Variants in OPHN1 observed in about 807,000 individuals in gnomAD.
OPHN1 encodes oligophrenin-1.
Under a neutral mutation model 60.7 loss-of-function variants are expected in OPHN1, and 11 were observed. The ratio of observed to expected loss-of-function variants is 0.18; its 90% CI spans 0.11 to 0.30. The LOEUF is 0.30. Among genes scored for constraint, OPHN1 ranks in the 10% least tolerant of loss-of-function variants. OPHN1 has a pLI of 1.00. For synonymous variants in OPHN1, 226 were observed against 222.6 expected, an observed-to-expected ratio of 1.02 and a Z score of -0.14; for missense variants, 449 against 611.0, an observed-to-expected ratio of 0.73 and a Z score of 2.80.
intron 15 of OPHN1, among the ~76,000 whole-genome samples, chrX:68,138,297 G>A (rs923995379): frequency 8.9e-6 from 1 of 112,372 alleles, no homozygotes. Flanking sequence ...CATGTGGTGT[G>A]TATCTATGGG....
chrX:68,102,419 G>A (rs1674310481), intron 18 of OPHN1, among the ~76,000 whole-genome samples: 1 of 112,060 alleles, frequency 8.9e-6, no homozygotes, highest in Non-Finnish European at 1.9e-5. Context: ...ACAGGAGAAA[G>A]CGGGAAAGAT....
intron 5 of OPHN1, among the ~76,000 whole-genome samples, chrX:68,259,480 G>A (rs774613354): frequency 9.0e-6 from 1 of 110,877 alleles, no homozygotes; most frequent in Non-Finnish European, 1.9e-5. Flanking sequence ...AAGAAATCAT[G>A]AGAAAAAAAG....
chrX:68,170,690 C>A (rs1187434222), intron 15 of OPHN1, among the ~76,000 whole-genome samples: 3 of 103,467 alleles, frequency 2.9e-5, no homozygotes, highest in African/African-American at 1.1e-4. Context: ...AACAAAAAAA[C>A]CAAACACCGC....
intron 2 of OPHN1, among the ~76,000 whole-genome samples, chrX:68,346,371 A>G (rs993087237): frequency 1.8e-5 from 2 of 112,045 alleles, no homozygotes; most frequent in Admixed American, 9.6e-5. Flanking sequence ...GTATCAAATA[A>G]CAATAGAGTC....
At chrX:68,419,373 G>A (rs1051259753) in intron 2 of OPHN1, among the ~76,000 whole-genome samples, 2 of 109,056 alleles carry the variant, frequency 1.8e-5, no homozygotes, top group Non-Finnish European at 3.8e-5. Flanking sequence ...CTGGCACCCC[G>A]CACTTCCCCA....
chrX:68,208,528 G>C (rs1352122605), intron 9 of OPHN1, among the ~76,000 whole-genome samples: 4 of 111,878 alleles, frequency 3.6e-5, no homozygotes, highest in Admixed American at 1.9e-4. Context: ...TGATATACTT[G>C]TCTATCTCTC....
At chrX:68,181,497 A>C (rs1228129152) in intron 15 of OPHN1, among the ~76,000 whole-genome samples, 1 of 111,301 alleles carries the variant, frequency 9.0e-6, no homozygotes, top group South Asian at 3.7e-4. Flanking sequence ...TCACCTGCTA[A>C]ATCTGGCAAC....
chrX:68,276,044 A>G (rs1421116696), intron 4 of OPHN1, among the ~76,000 whole-genome samples: 3 of 111,751 alleles, frequency 2.7e-5, no homozygotes, highest in Non-Finnish European at 5.6e-5. Flanking sequence ...GGCAAGAAAA[A>G]AAATGTTTTC....
At chrX:68,049,372 A>T (rs1244233415) in intron 23 of OPHN1, among the ~76,000 whole-genome samples, 5 of 111,809 alleles carry the variant, frequency 4.5e-5, no homozygotes, top group Non-Finnish European at 7.5e-5. Context: ...CTTCTCCATG[A>T]TTAATTATTG....
intron 15 of OPHN1, among the ~76,000 whole-genome samples, chrX:68,122,876 A>G (rs2077156066): frequency 9.0e-6 from 1 of 111,398 alleles, no homozygotes; most frequent in African/African-American, 3.3e-5. Flanking sequence ...AAGGGCATAT[A>G]TAAGAGTTAC....
At chrX:68,113,730 C>T (rs750815187) in intron 16 of OPHN1, among the ~76,000 whole-genome samples, 2 of 100,278 alleles carry the variant, frequency 2.0e-5, no homozygotes, top group Non-Finnish European at 2.0e-5. Context: ...AACCAAACAC[C>T]GCATGTTCTC....
intron 15 of OPHN1, among the ~76,000 whole-genome samples, chrX:68,182,826 C>T (rs914124435): frequency 9.0e-6 from 1 of 111,554 alleles, no homozygotes; most frequent in African/African-American, 3.3e-5. Context: ...GCACAAGGAT[C>T]GCTTGAACCC....
chrX:68,187,224 T>A (rs1761683542), intron 15 of OPHN1, among the ~76,000 whole-genome samples: 1 of 111,859 alleles, frequency 8.9e-6, no homozygotes, highest in South Asian at 3.8e-4. Flanking sequence ...CATACTAATA[T>A]CAGGAACCTG....
intron 15 of OPHN1, among the ~76,000 whole-genome samples, chrX:68,187,994 A>G (rs2077471337): frequency 8.9e-6 from 1 of 112,267 alleles, no homozygotes; most frequent in African/African-American, 3.2e-5. Flanking sequence ...AAACTAATAC[A>G]AACAATCCCC....
chrX:68,237,315 C>T (rs1157186763), intron 5 of OPHN1, among the ~76,000 whole-genome samples: 1 of 112,232 alleles, frequency 8.9e-6, no homozygotes, highest in Non-Finnish European at 1.9e-5. Context: ...AAAAATTTGC[C>T]TTTGACATTT....
intron 9 of OPHN1, among the ~76,000 whole-genome samples, chrX:68,209,696 G>T (rs978191857): frequency 1.8e-5 from 2 of 112,305 alleles, no homozygotes; most frequent in African/African-American, 6.5e-5. Flanking sequence ...TGTTAGTTGG[G>T]TGACTTTCAA....
chrX:68,197,476 T>C (rs2077517712), intron 11 of OPHN1, among the ~76,000 whole-genome samples: 1 of 111,243 alleles, frequency 9.0e-6, no homozygotes, highest in Non-Finnish European at 1.9e-5. Context: ...GGGGGTGGTA[T>C]CTTGGTGGCC....
chrX:68,195,975 T>C (rs1316940043), intron 12 of OPHN1, among the ~76,000 whole-genome samples: 6 of 111,833 alleles, frequency 5.4e-5, no homozygotes, highest in Non-Finnish European at 1.1e-4. Flanking sequence ...ATAAATGCCT[T>C]GCTGAGCTTC....
At chrX:68,276,275 G>A (rs771583916) in intron 4 of OPHN1, among the ~76,000 whole-genome samples, 2 of 111,147 alleles carry the variant, frequency 1.8e-5, no homozygotes, top group East Asian at 5.7e-4. Context: ...AAACCCCATT[G>A]AGTCCTAATC....
Sources: allele counts gnomAD v4.1 joint callset (sites outside exome capture counted in the v4.1 genomes callset), GRCh38; gene constraint gnomAD v4.1.1; transcripts MANE v1.5; gene names NCBI Gene and HGNC (gene_info 2026-07-23, HGNC 2026-07-21).